TLR2: variants seen among roughly 807,000 people sequenced by gnomAD.
The protein encoded by TLR2 is toll-like receptor 2.
In TLR2, 7 loss-of-function variants were observed where a neutral mutation model predicts 9.1. The ratio of observed to expected loss-of-function variants is 0.77; its 90% CI spans 0.44 to 1.44. The LOEUF (loss-of-function observed/expected upper bound fraction) is 1.44, where lower values mean the gene tolerates loss of function less well. Ranked by LOEUF, TLR2 falls within the 40% of genes most tolerant of loss-of-function variation. The pLI, the probability that TLR2 is intolerant of heterozygous loss-of-function variation, is 0.01. For missense variants in TLR2, 812 were observed against 904.6 expected (o/e 0.90, Z 1.31); for synonymous variants, 317 against 344.6 (o/e 0.92, Z 0.89).
intron 2 of TLR2, among the ~76,000 whole-genome samples, chr4:153,699,401 A>G (rs1198330695): frequency 6.6e-6 from 1 of 152,214 alleles, no homozygotes; most frequent in African/African-American, 2.4e-5. Context: ...TCTAGCAGGT[A>G]CGAATCCCTC....
At chr4:153,690,364 G>A (rs13147967) in intron 2 of TLR2, among the ~76,000 whole-genome samples, 117,822 of 152,228 alleles carry the variant, frequency 0.77, 47,110 homozygotes, top group East Asian at 1. Context: ...GAATTATATG[G>A]GATGCCAGTA....
chr4:153,710,497 T>G (rs909476994), downstream of TLR2: 9 of 1,608,938 alleles, frequency 5.6e-6, no homozygotes, highest in South Asian at 1.0e-4. Context: ...CAGCTAAATC[T>G]CAGTTAAGGA....
chr4:153,703,797 C>G lies in TLR2; in HGVS notation c.890C>G (p.Ala297Gly), dbSNP rs1737109356. 1 of 1,613,774 alleles carries G rather than the reference C, an allele frequency of 6.2e-7. No homozygotes were observed. The highest frequency in any genetic ancestry group is 1.3e-5 in the African/African-American group (1 of 74,906). The change falls in exon 3 of 3, where the codon GCA becomes GGA. Residue 297 changes from alanine to glycine, a missense_variant. Physicochemically the swap from Ala to Gly is moderately conservative, Grantham distance 60. Transcript: ENST00000642700. ...CTLNGVGNFRASDNDRVIDPG... is the reference protein window; with the variant it reads ...CTLNGVGNFRGSDNDRVIDPG... ...CTTAATGGAGTTGGTAATTTTAGAG[C>G]ATCTGATAATGACAGAGTTATAGAT...
At position 153,704,509 on chromosome 4, in the gene TLR2, C is replaced by A; in HGVS notation, c.1602C>A (p.Asn534Lys). The change falls in exon 3 of 3, where the codon AAC becomes AAA. Residue 534 changes from asparagine to lysine, a missense_variant. Transcript: ENST00000642700. ...TLKTLEAGGNNFICSCEFLSF... is the reference protein window; with the variant it reads ...TLKTLEAGGNKFICSCEFLSF... ...AGACTTTGGAAGCTGGTGGCAATAA[C>A]TTCATTTGCTCCTGTGAATTCCTCT... The A allele has an allele frequency of 1.2e-6, 2 of 1,614,024 alleles. No individual in the cohort carries two copies. Among genetic ancestry groups the A allele is most frequent in the Non-Finnish European group, 1.7e-6 (2 of 1,179,932 alleles).
At chr4:153,701,913 G>T (rs1247447400) in intron 2 of TLR2, 1 of 152,120 alleles carries the variant, frequency 6.6e-6, no homozygotes, top group Non-Finnish European at 1.5e-5. Context: ...GGCCTTTATA[G>T]TCTCTCAGAT....
chr4:153,699,315 T>C (rs533229813), intron 2 of TLR2, among the ~76,000 whole-genome samples: 2 of 152,338 alleles, frequency 1.3e-5, no homozygotes, highest in South Asian at 4.1e-4. Context: ...ACAGTACCAC[T>C]GTCACTCCAT....
intron 1 of TLR2, among the ~76,000 whole-genome samples, chr4:153,685,462 A>G (rs1004257627): frequency 6.6e-6 from 1 of 152,238 alleles, no homozygotes; most frequent in Non-Finnish European, 1.5e-5. Context: ...TTTTTACCAA[A>G]GAGCAACTGT....
intron 2 of TLR2, among the ~76,000 whole-genome samples, chr4:153,689,945 G>T (rs866888549): frequency 6.6e-6 from 1 of 152,186 alleles, no homozygotes; most frequent in African/African-American, 2.4e-5. Context: ...GTCTCGACAT[G>T]GCTGCAACCA....
rs753153275 is a variant in TLR2, at chr4:153,703,888, T to A, written c.981T>A (p.Asp327Glu). 3 of 1,614,094 alleles carry A rather than the reference T, an allele frequency of 1.9e-6. No homozygotes were observed. The highest frequency in any genetic ancestry group is 2.5e-6 in the Non-Finnish European group (3 of 1,180,002). The change falls in exon 3 of 3, where the codon GAT (aspartate) becomes GAA (glutamate). Residue 327 changes from aspartate (D) to glutamate (E), a missense_variant. Physicochemically the swap from Asp to Glu is conservative, Grantham distance 45. Transcript: ENST00000642700. Reference sequence around the variant, plus strand: ...TTCCAAGGTTTTACTTATTTTATGATCTGAGCACTTTATATTCACTTACAG... The same window carrying A: ...TTCCAAGGTTTTACTTATTTTATGAACTGAGCACTTTATATTCACTTACAG... ...LHIPRFYLFY[D>E]LSTLYSLTER...
Position 153,704,451 on chromosome 4 carries a change from C to G in TLR2, c.1544C>G (p.Ser515Cys), listed in dbSNP as rs1264917149. ...KISRNAITTF[S>C]KEQLDSFHTL... ...AGTAGGAATGCAATAACTACGTTTT[C>G]TAAGGAGCAACTTGACTCATTTCAC... Residue 515 changes from serine to cysteine, a missense_variant, in exon 3 of 3, where the codon TCT becomes TGT. Transcript: ENST00000642700. 6.2e-7 allele frequency: 1 copy of G among 1,614,054 alleles called. No individual in the cohort carries two copies. Among genetic ancestry groups the G allele is most frequent in the Non-Finnish European group, 8.5e-7 (1 of 1,180,040 alleles).
rs1189329634 is a variant in TLR2, at chr4:153,704,722, G to A, written c.1815G>A (p.Thr605=). The A allele has an allele frequency of 5.6e-6, 9 of 1,613,764 alleles. No individual in the cohort carries two copies. The highest frequency in any genetic ancestry group is 2.2e-5 in the East Asian group (1 of 44,864). ...CCALFLLILL[T]GVLCHRFHGL... ...CTCTGTTCCTGCTGATCCTGCTCAC[G>A]GGGGTCCTGTGCCACCGTTTCCATG... The change falls in exon 3 of 3, where the codon ACG becomes ACA. Residue 605 remains threonine, a synonymous_variant. Coordinates refer to ENST00000642700, the MANE Select transcript of TLR2 (RefSeq NM_001318789.2).
chr4:153,704,611 C>T lies in TLR2; in HGVS notation c.1704C>T (p.Ser568=). Residue 568 remains serine (S), a synonymous_variant, in exon 3 of 3, where the codon TCC becomes TCT. Transcript: ENST00000642700. The stretch of plus-strand genomic sequence containing the variant: ...CAAATTACCTGTGTGACTCTCCATC[C>T]CATGTGCGTGGCCAGCAGGTTCAGG... ...WPANYLCDSP[S]HVRGQQVQDV... 6.2e-7 allele frequency: 1 copy of T among 1,613,386 alleles called. No homozygotes were observed. Among genetic ancestry groups the T allele is most frequent in the Non-Finnish European group, 8.5e-7 (1 of 1,179,946 alleles).
rs371032036 is a variant in TLR2 at position 153,704,985 on chromosome 4, T to C, written c.2078T>C (p.Ile693Thr). The C allele has an allele frequency of 6.8e-5, 110 of 1,613,168 alleles. No individual in the cohort carries two copies. The highest frequency in any genetic ancestry group is 3.7e-4 in the Middle Eastern group (2 of 5,398). ...ATCATTGACAATATCATTGACTCCA[T>C]TGAAAAGAGCCACAAAACTGTCTTT... is the stretch of plus-strand genomic sequence containing the variant. ...KWIIDNIIDSIEKSHKTVFVL... is the reference protein window; with the variant it reads ...KWIIDNIIDSTEKSHKTVFVL... The change falls in exon 3 of 3, where the codon ATT becomes ACT. Residue 693 changes from isoleucine (I) to threonine (T), a missense_variant. By Grantham distance (89) the Ile-to-Thr change is moderately conservative. Transcript: ENST00000642700.
downstream of TLR2, chr4:153,710,388 T>C (rs370653031): frequency 3.8e-6 from 6 of 1,558,840 alleles, no homozygotes; most frequent in Non-Finnish European, 5.2e-6. Context: ...CCCTAGTGAA[T>C]AGATAATGCC....
chr4:153,684,586 A>T (rs1735543730), intron 1 of TLR2, among the ~76,000 whole-genome samples: 1 of 152,180 alleles, frequency 6.6e-6, no homozygotes. Context: ...GGGAATGTGG[A>T]CACCAGCGAA....
chr4:153,693,245 C>A (rs981789766), intron 2 of TLR2, among the ~76,000 whole-genome samples: 4 of 152,232 alleles, frequency 2.6e-5, no homozygotes, highest in Admixed American at 2.6e-4. Flanking sequence ...CCTACCATCC[C>A]CGCTGGCATC....
chr4:153,691,853 G>A (rs1377056229), intron 2 of TLR2, among the ~76,000 whole-genome samples: 2 of 152,154 alleles, frequency 1.3e-5, no homozygotes, highest in Non-Finnish European at 1.5e-5. Flanking sequence ...TAGGAGTAAG[G>A]AGTAGTAGTC....
At chr4:153,710,482 G>T, downstream of TLR2, 3 of 1,608,736 alleles carry the variant, frequency 1.9e-6, no homozygotes, top group Non-Finnish European at 2.5e-6. Context: ...AAATGTGTGC[G>T]CTCCCAGCTA....
At chr4:153,694,020 T>C (rs1389744809) in intron 2 of TLR2, among the ~76,000 whole-genome samples, 1 of 152,172 alleles carries the variant, frequency 6.6e-6, no homozygotes, top group Non-Finnish European at 1.5e-5. Flanking sequence ...AATCAGGGGA[T>C]TCACAGCCTT....
Sources: gnomAD v4.1 joint callset for allele counts (sites outside exome capture counted in the v4.1 genomes callset) on GRCh38, gnomAD v4.1.1 for gene constraint, MANE v1.5 for transcripts, NCBI Gene and HGNC (gene_info 2026-07-23, HGNC 2026-07-21) for gene names.